TJP2: variants seen among roughly 807,000 people sequenced by gnomAD.
TJP2 encodes the protein tight junction protein 2.
A neutral mutation model predicts 133.1 loss-of-function variants in TJP2; 91 were observed. The observed-to-expected ratio is 0.68, with a 90% confidence interval of 0.58 to 0.81. The LOEUF (loss-of-function observed/expected upper bound fraction) is 0.81, where lower values mean the gene tolerates loss of function less well. TJP2 is among the 40% of genes least tolerant of loss of function. The probability of loss-of-function intolerance (pLI) is 0.00; values close to 1 mark genes in which losing one functional copy is unlikely to be tolerated. For missense variants in TJP2, 1,541 were observed against 1,565.6 expected, an observed-to-expected ratio of 0.98 and a Z score of 0.26; for synonymous variants, 592 against 583.4, an observed-to-expected ratio of 1.01 and a Z score of -0.21.
intron 2 of TJP2, among the ~76,000 whole-genome samples, chr9:69,156,175 G>A (rs1823747080): frequency 6.6e-6 from 1 of 152,120 alleles, no homozygotes. Context: ...GACCAGCCTG[G>A]CCAACATGGT....
chr9:69,237,630 A>T (rs1160860601), intron 14 of TJP2, among the ~76,000 whole-genome samples: 2 of 122,046 alleles, frequency 1.6e-5, no homozygotes, highest in African/African-American at 6.1e-5. Context: ...TAGTCTGGGC[A>T]ACATAGTGAG....
At chr9:69,199,284 C>T (rs1039765972) in intron 1 of TJP2, among the ~76,000 whole-genome samples, 2 of 152,130 alleles carry the variant, frequency 1.3e-5, no homozygotes, top group Non-Finnish European at 2.9e-5. Context: ...ATCTGTAATC[C>T]CAGCACTTTG....
At chr9:69,219,001 C>G (rs1221087119) in intron 4 of TJP2, among the ~76,000 whole-genome samples, 2 of 146,638 alleles carry the variant, frequency 1.4e-5, no homozygotes. Context: ...CAGAGTTTTG[C>G]TCTTGTTGCC....
At chr9:69,242,244 TC>T (rs1830626698) in intron 17 of TJP2, among the ~76,000 whole-genome samples, 2 of 152,098 alleles carry the variant, frequency 1.3e-5, no homozygotes, top group Admixed American at 1.3e-4. Flanking sequence ...TGAGTAAGAA[TC>T]TAGAGGGGTC....
intron 5 of TJP2, among the ~76,000 whole-genome samples, chr9:69,223,224 G>A (rs11137573): frequency 0.33 from 50,579 of 152,090 alleles, 8,761 homozygotes; most frequent in Middle Eastern, 0.38. Flanking sequence ...CTCTATGCAA[G>A]GGCTATGTTG....
Position 69,174,306 on chromosome 9 carries a change from G to C in TJP2, c.-67G>C. 1.3e-6 allele frequency: 2 copies of C among 1,550,312 alleles called. No homozygotes were observed. The highest frequency in any genetic ancestry group is 1.7e-6 in the Non-Finnish European group (2 of 1,146,674). Reference sequence around the variant, plus strand: ...CACTGTCCGGTGGTGCCCAGGAGGAGTAGGAGCAGGAGCAGAAGCAGAAGC... The same window carrying C: ...CACTGTCCGGTGGTGCCCAGGAGGACTAGGAGCAGGAGCAGAAGCAGAAGC... On this transcript the variant is annotated 5_prime_UTR_variant, in exon 1 of 23. Transcript: ENST00000377245.
intron 1 of TJP2, among the ~76,000 whole-genome samples, chr9:69,149,801 G>A (rs1448855077): frequency 6.6e-6 from 1 of 152,142 alleles, no homozygotes; most frequent in Non-Finnish European, 1.5e-5. Flanking sequence ...GGTCTTAGGG[G>A]TAAAACGAGA....
chr9:69,122,908 C>T (rs1822211354), intron 1 of TJP2, among the ~76,000 whole-genome samples: 1 of 152,142 alleles, frequency 6.6e-6, no homozygotes. Flanking sequence ...TCTTCGTTTC[C>T]TGGTGAGGAA....
chr9:69,155,437 A>G (rs1823705531), intron 2 of TJP2, among the ~76,000 whole-genome samples: 1 of 152,212 alleles, frequency 6.6e-6, no homozygotes, highest in Non-Finnish European at 1.5e-5. Context: ...GCAGTGGCAC[A>G]TCGGTATCGC....
chr9:69,180,490 T>C (rs1321052880), intron 1 of TJP2, among the ~76,000 whole-genome samples: 1 of 152,214 alleles, frequency 6.6e-6, no homozygotes, highest in Non-Finnish European at 1.5e-5. Flanking sequence ...GAGAGTCATT[T>C]GTTTTCAGAG....
intron 1 of TJP2, among the ~76,000 whole-genome samples, chr9:69,175,252 G>C (rs1824994199): frequency 6.6e-6 from 1 of 152,154 alleles, no homozygotes; most frequent in Admixed American, 6.5e-5. Flanking sequence ...TGATGGTTGT[G>C]GTTTCCCTGA....
At chr9:69,212,434 T>C (rs1325754069) in intron 1 of TJP2, 114 bp from the exon 2 acceptor site, 1 of 786,612 alleles carries the variant, frequency 1.3e-6, no homozygotes, top group Non-Finnish European at 2.3e-6. Flanking sequence ...AACTCTTTTT[T>C]GGTATAGAAA....
At chr9:69,195,376 A>G (rs1393799411) in intron 1 of TJP2, among the ~76,000 whole-genome samples, 2 of 151,942 alleles carry the variant, frequency 1.3e-5, no homozygotes, top group Non-Finnish European at 2.9e-5. Context: ...TTAGTGTATC[A>G]GAACTAGGAA....
chr9:69,171,243 G>A (rs1350803933), upstream of TJP2, among the ~76,000 whole-genome samples: 1 of 152,154 alleles, frequency 6.6e-6, no homozygotes, highest in Non-Finnish European at 1.5e-5. Flanking sequence ...CATCCAGCCT[G>A]CTGATCTACT....
chr9:69,254,150 C>G (rs539101822), intron 22 of TJP2, 59 bp from the exon 23 acceptor site: 2 of 1,597,956 alleles, frequency 1.3e-6, no homozygotes, highest in East Asian at 4.5e-5. Flanking sequence ...CATGCCTCCC[C>G]GGGCAGCCGG....
intron 5 of TJP2, among the ~76,000 whole-genome samples, chr9:69,223,016 C>T (rs1829006382): frequency 7.8e-6 from 1 of 127,542 alleles, no homozygotes; most frequent in African/African-American, 2.9e-5. Flanking sequence ...GTTGCAGTAG[C>T]AGAGATCATG....
intron 19 of TJP2, 195 bp from the exon 20 acceptor site, chr9:69,249,180 C>T (rs531248291): frequency 1.0e-6 from 1 of 985,392 alleles, no homozygotes. Flanking sequence ...AGAGACTCTA[C>T]ATTGGATGCA....
chr9:69,138,849 G>A lies in TJP2; in HGVS notation c.-130-12802G>A, dbSNP rs567013174. Reference sequence around the variant, plus strand: ...GGAGAATTGCTTGAACCTGGGAGGCGGATGTTGTAGTGAGCTGAGATCGCA... The same window carrying A: ...GGAGAATTGCTTGAACCTGGGAGGCAGATGTTGTAGTGAGCTGAGATCGCA... On this transcript the variant is annotated intron_variant, in intron 1 of 5. Coordinates refer to the TJP2 transcript ENST00000423935. Among the ~76,000 whole-genome samples the A allele has an allele frequency of 6.6e-4, 101 of 152,260 alleles. 1 individual carries two copies. In the South Asian group the frequency reaches 0.02, roughly 30 times the overall value.
Position 69,249,369 on chromosome 9 carries a change from T to A in TJP2, c.2881-6T>A. 6.2e-7 allele frequency: 1 copy of A among 1,604,388 alleles called. No homozygotes were observed. The highest frequency in any genetic ancestry group is 8.5e-7 in the Non-Finnish European group (1 of 1,174,734). On this transcript the variant is annotated splice_region_variant and splice_polypyrimidine_tract_variant and intron_variant, in intron 19 of 22. Transcript: ENST00000377245. ...CTTGTTGTGAATGAACCTTTATGTC[T>A]TGTAGAGCATAAGGAAACCCAGCCC...
Sources: gnomAD v4.1 joint callset for allele counts (sites outside exome capture counted in the v4.1 genomes callset) on GRCh38, gnomAD v4.1.1 for gene constraint, MANE v1.5 for transcripts, NCBI Gene and HGNC (gene_info 2026-07-23, HGNC 2026-07-21) for gene names.